VWA5B2: variants seen among roughly 807,000 people sequenced by gnomAD.
VWA5B2 encodes the protein von Willebrand factor A domain-containing protein 5B2.
Under a neutral mutation model 118.5 loss-of-function variants are expected in VWA5B2, and 93 were observed. That is an observed-to-expected ratio of 0.79 (90% CI 0.66 to 0.93). VWA5B2 has a LOEUF of 0.93. VWA5B2 is among the 40% of genes least tolerant of loss of function. The probability of loss-of-function intolerance (pLI) is 0.00; values close to 1 mark genes in which losing one functional copy is unlikely to be tolerated. For synonymous variants in VWA5B2, 708 were observed against 716.3 expected (o/e 0.99, Z 0.19); for missense variants, 1,546 against 1,672.8 (o/e 0.92, Z 1.32).
At position 184,238,933 on chromosome 3, in the gene VWA5B2, T is replaced by C; in HGVS notation, c.2202+60T>C. The C allele has an allele frequency of 2.1e-6, 3 of 1,412,232 alleles. No individual in the cohort carries two copies. The highest frequency in any genetic ancestry group is 2.8e-6 in the Non-Finnish European group (3 of 1,063,542). 87.5% of individuals were successfully genotyped at this position (1,412,232 alleles called of 1,614,324 possible). A position where few individuals can be genotyped will look rare whatever the true frequency, so the allele number is the denominator to read the frequency against. ...CAGCAAATATTTATTTACCACCTGCTGTGCACCAGATATTATGTAGAGTTT... is the reference window on the plus strand; with the variant it reads ...CAGCAAATATTTATTTACCACCTGCCGTGCACCAGATATTATGTAGAGTTT... On this transcript the variant is annotated intron_variant, in intron 14 of 19. Transcript: ENST00000691901. The surrounding 1 kb of genome is among the most constrained non-coding windows in gnomAD (Gnocchi z 5.0).
At position 184,238,952 on chromosome 3, in the gene VWA5B2, A is replaced by G; in HGVS notation, c.2202+79A>G. ...ACCTGCTGTGCACCAGATATTATGT[A>G]GAGTTTACTATTAAGTCTAGCTAGA... On this transcript the variant is annotated intron_variant, in intron 14 of 19. Transcript: ENST00000691901. The surrounding 1 kb of genome is among the most constrained non-coding windows in gnomAD (Gnocchi z 5.0). 1 of 1,361,686 alleles carries G rather than the reference A, an allele frequency of 7.3e-7. No individual in the cohort carries two copies. The highest frequency in any genetic ancestry group is 9.8e-7 in the Non-Finnish European group (1 of 1,020,184). 84.4% of individuals were successfully genotyped at this position (1,361,686 alleles called of 1,614,324 possible).
chr3:184,235,106 A>G, intron 7 of VWA5B2, 47 bp from the exon 8 acceptor site: 1 of 1,535,734 alleles, frequency 6.5e-7, no homozygotes, highest in East Asian at 2.5e-5. Flanking sequence ...CCCTCAACAA[A>G]GTAGCACTAA....
chr3:184,231,996 C>A (rs1717442997), intron 3 of VWA5B2, among the ~76,000 whole-genome samples: 1 of 152,140 alleles, frequency 6.6e-6, no homozygotes, highest in Admixed American at 6.5e-5. Context: ...ACAGTATAAG[C>A]AAATGCTTAT....
At position 184,241,694 on chromosome 3, in the gene VWA5B2, T is replaced by A. The variant is rs61736691; in HGVS notation, c.3385T>A (p.Ser1129Thr). ...GDSATASCSP[S>T]PSSGSEGPGQ... is the part of the protein sequence containing the mutation. The stretch of plus-strand genomic sequence containing the variant: ...CAGTGCCACGGCCTCCTGCAGCCCG[T>A]CCCCCAGCTCGGGCTCTGAGGGGCC... The change falls in exon 20 of 20, where the codon TCC becomes ACC. Residue 1129 changes from serine (S) to threonine (T), a missense_variant. Ser to Thr is a moderately conservative substitution (Grantham distance 58). Around this residue, in one of 3 missense-constraint regions of VWA5B2, gnomAD observed 763 missense variants for 766.6 expected, o/e 1.00. Transcript: ENST00000691901. The surrounding 1 kb of genome is among the most constrained non-coding windows in gnomAD (Gnocchi z 5.1). 8,742 of 1,515,346 alleles carry A rather than the reference T, an allele frequency of 5.8e-3. 431 individuals carry two copies. In the African/African-American group the frequency reaches 0.11, roughly 18 times the overall value. The allele number at this position is 1,515,346 out of a possible 1,614,324, so 93.9% of individuals were successfully genotyped here.
intron 3 of VWA5B2, 63 bp downstream of exon 3, chr3:184,230,980 C>A: frequency 1.7e-6 from 2 of 1,204,174 alleles, no homozygotes; most frequent in South Asian, 4.2e-5. Flanking sequence ...CTCCCGCATC[C>A]GCTCGGCCTC....
chr3:184,235,981 C>T (rs1325163868), intron 8 of VWA5B2, among the ~76,000 whole-genome samples, 171 bp from the exon 9 acceptor site: 1 of 152,258 alleles, frequency 6.6e-6, no homozygotes, highest in Non-Finnish European at 1.5e-5. Flanking sequence ...CAGTCTCTCA[C>T]ACACACTTGG....
In VWA5B2 at chr3:184,233,514, T is replaced by A. The variant is rs1560151369; in HGVS notation, c.531-62T>A. On this transcript the variant is annotated intron_variant, in intron 4 of 19. Coordinates refer to ENST00000691901, the MANE Select transcript of VWA5B2 (RefSeq NM_001390846.1). The surrounding 1 kb of genome is among the most constrained non-coding windows in gnomAD (Gnocchi z 5.2). ...AAGGGTGAGGAAGGGCTGGGGCCAG[T>A]CAGCCGGAGGGTTTAGGGGCCTTCA... 7.2e-6 allele frequency: 11 copies of A among 1,521,046 alleles called. No individual in the cohort carries two copies. The highest frequency in any genetic ancestry group is 8.8e-6 in the Non-Finnish European group (10 of 1,131,050). 94.2% of individuals were successfully genotyped at this position (1,521,046 alleles called of 1,614,324 possible). A position where few individuals can be genotyped will look rare whatever the true frequency, so the allele number is the denominator to read the frequency against.
chr3:184,240,626 C>A, intron 16 of VWA5B2, 165 bp from the exon 17 acceptor site: 1 of 963,042 alleles, frequency 1.0e-6, no homozygotes, highest in South Asian at 1.7e-5. Context: ...CTGATCACTT[C>A]TTGTCAAAGT....
intron 7 of VWA5B2, 88 bp from the exon 8 acceptor site, chr3:184,235,064 GA>G: frequency 5.5e-6 from 8 of 1,456,466 alleles, no homozygotes; most frequent in South Asian, 1.3e-5. Context: ...GGATCAGACA[GA>G]AAAAGGCCCC....
In VWA5B2 at chr3:184,242,047, C is replaced by A; in HGVS notation, c.*9C>A. ...GCCCAGCGAACGTGTGAAGGCTGCC[C>A]CCTGCTGCTTGGGCTGGCGCCCCAC... On this transcript the variant is annotated 3_prime_UTR_variant, in exon 20 of 20. Transcript: ENST00000691901. The A allele has an allele frequency of 6.5e-7, 1 of 1,547,946 alleles. No homozygotes were observed. The highest frequency in any genetic ancestry group is 1.2e-5 in the South Asian group (1 of 83,942).
At chr3:184,234,862 C>T (rs745696812) in intron 7 of VWA5B2, 107 bp downstream of exon 7, 112 of 1,468,136 alleles carry the variant, frequency 7.6e-5, no homozygotes, top group Admixed American at 9.6e-5. Flanking sequence ...CCTCTTTTCT[C>T]GGTAAGATCT....
chr3:184,233,767 G>T lies in VWA5B2; in HGVS notation c.688+34G>T. ...ATCTGGCTGGCCTGCCCTCTTTTCA[G>T]ATGCCCACTCCACCCAGTGTAGTGA... On this transcript the variant is annotated intron_variant, in intron 5 of 19. Coordinates refer to ENST00000691901, the MANE Select transcript of VWA5B2 (RefSeq NM_001390846.1). This position sits in a 1 kb window ranked among gnomAD's most constrained non-coding sequence, Gnocchi z 5.2. 3.2e-6 allele frequency: 5 copies of T among 1,546,684 alleles called. No homozygotes were observed. The highest frequency in any genetic ancestry group is 4.4e-6 in the Non-Finnish European group (5 of 1,145,560).
chr3:184,230,739 C>A lies in VWA5B2; in HGVS notation c.140-8C>A. The A allele has an allele frequency of 8.2e-7, 1 of 1,218,064 alleles. No individual in the cohort carries two copies. The highest frequency in any genetic ancestry group is 1.0e-6 in the Non-Finnish European group (1 of 980,192). The allele number at this position is 1,218,064 out of a possible 1,614,324, so 75.5% of individuals were successfully genotyped here. On this transcript the variant is annotated splice_polypyrimidine_tract_variant and splice_region_variant and intron_variant, in intron 2 of 19. Transcript: ENST00000691901. The stretch of plus-strand genomic sequence containing the variant: ...GGGTCCGACGCCGCCTCCCGCCGCC[C>A]TCCCCAGGCGTGTTCGTGTACCCGC...
At position 184,233,492 on chromosome 3, in the gene VWA5B2, G is replaced by A. The variant is rs1309563263; in HGVS notation, c.531-84G>A. 1.3e-6 allele frequency: 2 copies of A among 1,511,300 alleles called. No individual in the cohort carries two copies. The highest frequency in any genetic ancestry group is 1.4e-5 in the African/African-American group (1 of 72,202). The allele number at this position is 1,511,300 out of a possible 1,614,324, so 93.6% of individuals were successfully genotyped here. A position where few individuals can be genotyped will look rare whatever the true frequency, so the allele number is the denominator to read the frequency against. ...TGGCAGGGTACCCAGGGATGGGAAG[G>A]GTGAGGAAGGGCTGGGGCCAGTCAG... On this transcript the variant is annotated intron_variant, in intron 4 of 19. Coordinates refer to ENST00000691901, the MANE Select transcript of VWA5B2 (RefSeq NM_001390846.1). The surrounding 1 kb of genome is among the most constrained non-coding windows in gnomAD (Gnocchi z 5.2).
Position 184,239,855 on chromosome 3 carries a change from C to T in VWA5B2, c.2559C>T (p.Cys853=). Residue 853 remains cysteine (C), a synonymous_variant, in exon 16 of 20, where the codon TGC becomes TGT. Coordinates refer to ENST00000691901, the MANE Select transcript of VWA5B2 (RefSeq NM_001390846.1). This position sits in a 1 kb window ranked among gnomAD's most constrained non-coding sequence, Gnocchi z 5.1. ...IRGLCGEQPM[C]WEVGVGLETL... The stretch of plus-strand genomic sequence containing the variant: ...GCCTGTGTGGGGAGCAGCCCATGTG[C>T]TGGGAGGTGGGTGTTGGGCTGGAGA... 2 of 1,551,684 alleles carry T rather than the reference C, an allele frequency of 1.3e-6. No homozygotes were observed. The highest frequency in any genetic ancestry group is 1.2e-5 in the South Asian group (1 of 84,058).
Position 184,236,557 on chromosome 3 carries a change from G to A in VWA5B2, c.1421+6G>A, listed in dbSNP as rs201951606. 8.5e-4 allele frequency: 1,324 copies of A among 1,551,028 alleles called. 4 individuals are homozygous for A. The highest frequency in any genetic ancestry group is 8.7e-4 in the Non-Finnish European group (992 of 1,146,788). ...TGGCACAGGGGGACAGCCAGGTATG[G>A]GATGGGCAGAACCAGATGCGTAAGA... On this transcript the variant is annotated splice_donor_region_variant and intron_variant, in intron 10 of 19. Coordinates refer to ENST00000691901, the MANE Select transcript of VWA5B2 (RefSeq NM_001390846.1).
In VWA5B2 at chr3:184,233,501, G is replaced by C. The variant is rs1293229621; in HGVS notation, c.531-75G>C. 7.3e-6 allele frequency: 11 copies of C among 1,514,316 alleles called. No individual in the cohort carries two copies. The highest frequency in any genetic ancestry group is 2.5e-5 in the East Asian group (1 of 40,588). 93.8% of individuals were successfully genotyped at this position (1,514,316 alleles called of 1,614,324 possible). A position where few individuals can be genotyped will look rare whatever the true frequency, so the allele number is the denominator to read the frequency against. On this transcript the variant is annotated intron_variant, in intron 4 of 19. Transcript: ENST00000691901. The surrounding 1 kb of genome is among the most constrained non-coding windows in gnomAD (Gnocchi z 5.2). ...ACCCAGGGATGGGAAGGGTGAGGAAGGGCTGGGGCCAGTCAGCCGGAGGGT... is the reference window on the plus strand; with the variant it reads ...ACCCAGGGATGGGAAGGGTGAGGAACGGCTGGGGCCAGTCAGCCGGAGGGT...
intron 5 of VWA5B2, 72 bp from the exon 6 acceptor site, chr3:184,234,194 C>T (rs1717712117): frequency 6.6e-7 from 1 of 1,521,728 alleles, no homozygotes; most frequent in South Asian, 1.2e-5. Context: ...CAGCCATGAC[C>T]CCTGCCAACA....
rs1718800156 is a variant in VWA5B2 at position 184,242,161 on chromosome 3, T to C, written c.*123T>C. Reference sequence around the variant, plus strand: ...TGCCAGCCTGTCCCCCACTGCTTCTTACTCCCTCCCTAGAGCCCTCTTGCC... The same window carrying C: ...TGCCAGCCTGTCCCCCACTGCTTCTCACTCCCTCCCTAGAGCCCTCTTGCC... On this transcript the variant is annotated 3_prime_UTR_variant, in exon 20 of 20. Transcript: ENST00000691901. The C allele has an allele frequency of 1.6e-6, 2 of 1,273,972 alleles. No homozygotes were observed. Among genetic ancestry groups the C allele is most frequent in the African/African-American group, 3.0e-5 (2 of 67,712 alleles). 78.9% of individuals were successfully genotyped at this position (1,273,972 alleles called of 1,614,324 possible).
Sources: gnomAD v4.1 joint callset for allele counts (sites outside exome capture counted in the v4.1 genomes callset) on GRCh38, gnomAD v4.1.1 for gene constraint, gnomAD v4.1.1 regional missense constraint, Gnocchi (gnomAD v3.1) non-coding constraint, MANE v1.5 for transcripts, NCBI Gene and HGNC (gene_info 2026-07-23, HGNC 2026-07-21) for gene names.